The following SPTLC1 variants were observed in gnomAD, a reference collection of about 807,000 sequenced individuals.
The protein encoded by SPTLC1 is serine palmitoyltransferase long chain base subunit 1, also known as serine palmitoyltransferase 1.
SPTLC1 carries 55 observed loss-of-function variants against 68.9 expected under a neutral mutation model. That is an observed-to-expected ratio of 0.80 (90% confidence interval 0.64 to 1.00). SPTLC1 has a LOEUF of 1.00. Ranked by LOEUF, SPTLC1 falls within the 50% of genes least tolerant of loss-of-function variation. The pLI, the probability that SPTLC1 is intolerant of heterozygous loss-of-function variation, is 0.00. For missense variants in SPTLC1, 449 were observed against 573.1 expected (o/e 0.78, Z 2.21); for synonymous variants, 197 against 201.6 (o/e 0.98, Z 0.19).
intron 3 of SPTLC1, among the ~76,000 whole-genome samples, chr9:92,101,331 G>A (rs1251448047): frequency 2.0e-5 from 3 of 151,958 alleles, no homozygotes; most frequent in African/African-American, 7.3e-5. Flanking sequence ...GGAAGGCCGA[G>A]GTGGGCGGAT....
At chr9:92,111,777 T>A (rs1395299495) in intron 2 of SPTLC1, 1 of 152,358 alleles carries the variant, frequency 6.6e-6, no homozygotes, top group Non-Finnish European at 1.5e-5. Context: ...GTCACTTTAC[T>A]TCAACTTCGG....
rs146752234 is a variant in SPTLC1 at position 92,061,686 on chromosome 9, T to C, written c.561-2378A>G. Among the ~76,000 whole-genome samples the C allele has an allele frequency of 1.3e-3, 194 of 151,874 alleles. 1 individual carries two copies. The highest frequency in any genetic ancestry group is 2.2e-3 in the Non-Finnish European group (147 of 68,008). ...ACACTGATGTGGTTCTCACTGTATG[T>C]ACAGGAAATATTTAAAACAATTATA... On this transcript the variant is annotated intron_variant, in intron 6 of 14. Transcript: ENST00000262554.
chr9:92,068,037 T>C lies in SPTLC1; in HGVS notation c.489A>G (p.Ile163Met), dbSNP rs759823321. 3.7e-6 allele frequency: 6 copies of C among 1,613,948 alleles called. No homozygotes were observed. Among genetic ancestry groups the C allele is most frequent in the Admixed American group, 1.7e-5 (1 of 60,008 alleles). The change falls in exon 6 of 15, where the codon ATA (isoleucine) becomes ATG (methionine). Residue 163 changes from isoleucine to methionine, a missense_variant. Transcript: ENST00000262554. ...AKFMKTEEAI[I>M]YSYGFATIAS... The stretch of plus-strand genomic sequence containing the variant: ...CTATGGTGGCAAATCCATATGAGTA[T>C]ATAATGGCTTCTTCTGTCTTCATAA...
intron 2 of SPTLC1, chr9:92,110,606 C>T (rs2118833299): frequency 6.6e-6 from 1 of 152,330 alleles, no homozygotes; most frequent in Non-Finnish European, 1.5e-5. Flanking sequence ...ATTATATTAG[C>T]ATATACCATA....
chr9:92,108,678 A>G (rs1836099727), intron 3 of SPTLC1, 62 bp downstream of exon 3: 3 of 1,586,346 alleles, frequency 1.9e-6, no homozygotes, highest in Admixed American at 1.7e-5. Context: ...ATAAAGCACT[A>G]TAGACTGCAG....
chr9:92,078,719 T>G (rs1248437551), intron 5 of SPTLC1, among the ~76,000 whole-genome samples: 1 of 152,232 alleles, frequency 6.6e-6, no homozygotes, highest in Non-Finnish European at 1.5e-5. Flanking sequence ...CCTCCCAAAG[T>G]GTTAGGATTA....
intron 3 of SPTLC1, among the ~76,000 whole-genome samples, chr9:92,101,521 C>G (rs1217713763): frequency 2.3e-5 from 3 of 131,180 alleles, no homozygotes; most frequent in African/African-American, 8.8e-5. Flanking sequence ...GAGATCGTGC[C>G]ACTGCACTCC....
intron 14 of SPTLC1, among the ~76,000 whole-genome samples, chr9:92,034,505 T>C (rs1303116639): frequency 1.3e-5 from 2 of 152,014 alleles, no homozygotes; most frequent in Admixed American, 6.5e-5. Flanking sequence ...TGGTGTGGCA[T>C]GTGCCACCTT....
intron 6 of SPTLC1, among the ~76,000 whole-genome samples, chr9:92,066,231 G>A (rs1175643500): frequency 6.6e-6 from 1 of 152,226 alleles, no homozygotes; most frequent in Non-Finnish European, 1.5e-5. Flanking sequence ...GTGCGTGTGA[G>A]AGAGTGTGTG....
chr9:92,099,480 C>CTTT (rs201801428), intron 3 of SPTLC1, among the ~76,000 whole-genome samples: 1 of 141,858 alleles, frequency 7.0e-6, no homozygotes, highest in Admixed American at 7.0e-5. Flanking sequence ...TTTTACTGTA[C>CTTT]TTTTTTTTTT....
chr9:92,044,547 T>A (rs1833447507), intron 12 of SPTLC1, among the ~76,000 whole-genome samples: 1 of 152,134 alleles, frequency 6.6e-6, no homozygotes, highest in Non-Finnish European at 1.5e-5. Flanking sequence ...TGATAGCTAC[T>A]GAGAGGAGCA....
intron 5 of SPTLC1, among the ~76,000 whole-genome samples, chr9:92,074,624 T>C (rs2118643263): frequency 6.6e-6 from 1 of 152,102 alleles, no homozygotes; most frequent in South Asian, 2.1e-4. Context: ...ACAACAGACT[T>C]TAAGGGGCCT....
At chr9:92,073,422 A>T (rs1438757524) in intron 5 of SPTLC1, among the ~76,000 whole-genome samples, 2 of 152,244 alleles carry the variant, frequency 1.3e-5, no homozygotes, top group African/African-American at 4.8e-5. Flanking sequence ...GCAGGGGCCC[A>T]AGGCATAGCC....
intron 10 of SPTLC1, among the ~76,000 whole-genome samples, 170 bp from the exon 11 acceptor site, chr9:92,047,438 T>C (rs1400747919): frequency 6.6e-6 from 1 of 152,230 alleles, no homozygotes; most frequent in Non-Finnish European, 1.5e-5. Context: ...AGACTTTTTG[T>C]TAAATGTGAG....
rs771212009 is a variant in SPTLC1, at chr9:92,050,074, G to A, written c.781-7C>T. 6.4e-7 allele frequency: 1 copy of A among 1,554,280 alleles called. No homozygotes were observed. The highest frequency in any genetic ancestry group is 8.9e-7 in the Non-Finnish European group (1 of 1,126,286). On this transcript the variant is annotated splice_region_variant and splice_polypyrimidine_tract_variant and intron_variant, in intron 8 of 14. Coordinates refer to ENST00000262554, the MANE Select transcript of SPTLC1 (RefSeq NM_006415.4). ...ATTTGTATTTTAACTTAACCTAAGT[G>A]TTATATAAACGTTAAAATACTAATG...
At chr9:92,067,839 G>T in intron 6 of SPTLC1, 127 bp downstream of exon 6, 1 of 1,134,278 alleles carries the variant, frequency 8.8e-7, no homozygotes, top group Non-Finnish European at 1.3e-6. Context: ...TTGGTGAGGT[G>T]ACTATTTCTT....
intron 14 of SPTLC1, among the ~76,000 whole-genome samples, chr9:92,033,689 G>A (rs888020015): frequency 6.6e-6 from 1 of 152,170 alleles, no homozygotes; most frequent in Non-Finnish European, 1.5e-5. Flanking sequence ...CCAAGTAGCT[G>A]GGACCACAGG....
chr9:92,099,023 G>A (rs1835646101), intron 3 of SPTLC1, among the ~76,000 whole-genome samples: 2 of 152,278 alleles, frequency 1.3e-5, no homozygotes, highest in Non-Finnish European at 2.9e-5. Context: ...GATTAACTCT[G>A]GGGAAAACAA....
At chr9:92,048,947 C>T (rs1388418938) in intron 9 of SPTLC1, among the ~76,000 whole-genome samples, 1 of 152,190 alleles carries the variant, frequency 6.6e-6, no homozygotes, top group African/African-American at 2.4e-5. Context: ...GAAGCATTCA[C>T]AAAACTACAA....
Sources: gnomAD v4.1 joint callset for allele counts (sites outside exome capture counted in the v4.1 genomes callset) on GRCh38, gnomAD v4.1.1 for gene constraint, MANE v1.5 for transcripts, NCBI Gene and HGNC (gene_info 2026-07-23, HGNC 2026-07-21) for gene names.